CAMTA1: variants seen among roughly 807,000 people sequenced by gnomAD.
CAMTA1 encodes calmodulin binding transcription activator 1, also known as calmodulin-binding transcription activator 1.
A neutral mutation model predicts 170.9 loss-of-function variants in CAMTA1; 27 were observed. The observed-to-expected ratio is 0.16, with a 90% CI of 0.12 to 0.22. The LOEUF (loss-of-function observed/expected upper bound fraction) is 0.22. Among genes scored for constraint, CAMTA1 ranks in the 10% least tolerant of loss-of-function variants. CAMTA1 has a pLI of 1.00. For synonymous variants in CAMTA1, 833 were observed against 891.5 expected (o/e 0.93, Z 1.17); for missense variants, 1,619 against 2,217.2 (o/e 0.73, Z 5.42).
At position 7,633,995 on chromosome 1, in the gene CAMTA1, G is replaced by A. The variant is rs1021479475; in HGVS notation, c.511-6405G>A. On this transcript the variant is annotated intron_variant, in intron 6 of 22. Transcript: ENST00000303635. The surrounding 1 kb of genome is among the most constrained non-coding windows in gnomAD (Gnocchi z 4.1). ...AGATCTGGGGAATGGGGTGGCGGGA[G>A]CCAGGTGCATGAGGCAGGCAGCGGC... Among the ~76,000 whole-genome samples the A allele has an allele frequency of 2.0e-4, 31 of 152,200 alleles. No individual in the cohort carries two copies. The highest frequency in any genetic ancestry group is 7.0e-4 in the African/African-American group (29 of 41,446).
At chr1:7,037,923 T>TA (rs1703872866) in intron 3 of CAMTA1, among the ~76,000 whole-genome samples, 2 of 151,708 alleles carry the variant, frequency 1.3e-5, no homozygotes, top group African/African-American at 4.8e-5. Flanking sequence ...CTTTATTTTT[T>TA]TTTTTTTTGC....
intron 3 of CAMTA1, among the ~76,000 whole-genome samples, chr1:6,966,330 C>T: frequency 6.6e-6 from 1 of 152,152 alleles, no homozygotes; most frequent in East Asian, 1.9e-4. Context: ...CACTTCTTAG[C>T]CGTCACCCCA....
intron 6 of CAMTA1, among the ~76,000 whole-genome samples, chr1:7,584,088 A>G (rs1030756543): frequency 6.6e-6 from 1 of 152,010 alleles, no homozygotes; most frequent in African/African-American, 2.4e-5. Flanking sequence ...ATCATATAAC[A>G]CTTTCTTTCT....
At chr1:7,402,725 G>A (rs930247776) in intron 5 of CAMTA1, among the ~76,000 whole-genome samples, 4 of 152,212 alleles carry the variant, frequency 2.6e-5, no homozygotes, top group Non-Finnish European at 4.4e-5. Flanking sequence ...TTGGCAAGAA[G>A]AGTGGTGAGC....
intron 5 of CAMTA1, among the ~76,000 whole-genome samples, chr1:7,374,161 C>G (rs2086682431): frequency 6.6e-6 from 1 of 152,222 alleles, no homozygotes; most frequent in Non-Finnish European, 1.5e-5. Context: ...GGAAAACTGC[C>G]CATCTCAGCA....
intron 3 of CAMTA1, among the ~76,000 whole-genome samples, chr1:6,986,504 C>T (rs550331934): frequency 6.6e-6 from 1 of 152,020 alleles, no homozygotes; most frequent in Non-Finnish European, 1.5e-5. Context: ...ACAAAGGAGT[C>T]GGATGCCAGT....
intron 11 of CAMTA1, among the ~76,000 whole-genome samples, chr1:7,695,849 G>A (rs1041755166): frequency 1.3e-5 from 2 of 152,174 alleles, no homozygotes; most frequent in African/African-American, 4.8e-5. Flanking sequence ...AACTAAATAT[G>A]TCAGCTCTGC....
chr1:7,210,260 A>C (rs1304711), intron 4 of CAMTA1, among the ~76,000 whole-genome samples: 97,516 of 152,090 alleles, frequency 0.64, 32,055 homozygotes, highest in African/African-American at 0.79. Context: ...TCAATTCTTC[A>C]GTCTTTGTCT....
rs2095304573 is a variant in CAMTA1, at chr1:7,585,771, G to T, written c.511-54629G>T. Reference sequence around the variant, plus strand: ...GGGGGGCTCTCTTGTGGACAGACAGGCCAGAGACACGGCTCATCTGTCCCT... The same window carrying T: ...GGGGGGCTCTCTTGTGGACAGACAGTCCAGAGACACGGCTCATCTGTCCCT... On this transcript the variant is annotated intron_variant, in intron 6 of 22. Coordinates refer to ENST00000303635, the MANE Select transcript of CAMTA1 (RefSeq NM_015215.4). The surrounding 1 kb of genome is among the most constrained non-coding windows in gnomAD (Gnocchi z 4.8). 6.6e-6 allele frequency among the ~76,000 whole-genome samples: 1 copy of T among 152,034 alleles called. No homozygotes were observed. Among genetic ancestry groups the T allele is most frequent in the Non-Finnish European group, 1.5e-5 (1 of 68,006 alleles).
intron 5 of CAMTA1, among the ~76,000 whole-genome samples, chr1:7,364,429 A>C (rs2085804166): frequency 6.8e-6 from 1 of 147,812 alleles, no homozygotes; most frequent in Non-Finnish European, 1.5e-5. Flanking sequence ...GAGGGGGCAC[A>C]CAGGTTCCCT....
chr1:7,556,949 G>A (rs2094886733), intron 6 of CAMTA1, among the ~76,000 whole-genome samples: 1 of 152,168 alleles, frequency 6.6e-6, no homozygotes, highest in African/African-American at 2.4e-5. Context: ...GTGACCCTTT[G>A]AGGCAGGTGT....
At chr1:7,387,420 C>T (rs2088132860) in intron 5 of CAMTA1, among the ~76,000 whole-genome samples, 2 of 152,172 alleles carry the variant, frequency 1.3e-5, no homozygotes, top group South Asian at 2.1e-4. Flanking sequence ...TTCCCATTCT[C>T]TTCTCCCATC....
intron 3 of CAMTA1, among the ~76,000 whole-genome samples, chr1:6,961,283 G>A (rs1424273374): frequency 6.6e-6 from 1 of 152,218 alleles, no homozygotes; most frequent in Non-Finnish European, 1.5e-5. Context: ...CTTGCAGAAG[G>A]AGCACGCTGG....
At chr1:7,669,769 A>T (rs1404664318) in intron 9 of CAMTA1, among the ~76,000 whole-genome samples, 1 of 152,132 alleles carries the variant, frequency 6.6e-6, no homozygotes, top group Non-Finnish European at 1.5e-5. Context: ...TAGCCAGGAG[A>T]GTCCGGGAGG....
chr1:7,028,027 C>G (rs989656186), intron 3 of CAMTA1, among the ~76,000 whole-genome samples: 3 of 151,974 alleles, frequency 2.0e-5, no homozygotes, highest in Non-Finnish European at 2.9e-5. Context: ...GCCTCAGCCT[C>G]CCGAGTAGCT....
intron 3 of CAMTA1, among the ~76,000 whole-genome samples, chr1:7,040,775 G>A (rs911954478): frequency 4.7e-5 from 7 of 150,324 alleles, no homozygotes; most frequent in Non-Finnish European, 1.0e-4. Context: ...CCAGGCTGGC[G>A]TGTGCAATGG....
At chr1:7,380,104 CTT>C (rs2087168904) in intron 5 of CAMTA1, among the ~76,000 whole-genome samples, 1 of 152,220 alleles carries the variant, frequency 6.6e-6, no homozygotes, top group East Asian at 1.9e-4. Context: ...GCATTCAACT[CTT>C]AGGATGAATA....
At chr1:6,910,809 C>T (rs570609554) in intron 3 of CAMTA1, among the ~76,000 whole-genome samples, 65 of 152,310 alleles carry the variant, frequency 4.3e-4, no homozygotes, top group African/African-American at 1.4e-3. Context: ...TTGCTGGATC[C>T]GTGGAGCTTT....
rs1666827539 is a variant in CAMTA1, at chr1:7,252,807, A to G, written c.438+3181A>G. ...GGGCATGATAAAGATATTTGGATCT[A>G]CCGTTTAATATATCACTTGCTATAA... On this transcript the variant is annotated intron_variant, in intron 5 of 22. Transcript: ENST00000303635. 2.6e-5 allele frequency among the ~76,000 whole-genome samples: 4 copies of G among 152,298 alleles called. No individual in the cohort carries two copies. The South Asian group carries it at 8.3e-4, about 32-fold the overall frequency.
Sources: gnomAD v4.1 joint callset for allele counts (sites outside exome capture counted in the v4.1 genomes callset) on GRCh38, gnomAD v4.1.1 for gene constraint, Gnocchi (gnomAD v3.1) non-coding constraint, MANE v1.5 for transcripts, NCBI Gene and HGNC (gene_info 2026-07-23, HGNC 2026-07-21) for gene names.